The following CPQ variants were observed in gnomAD, a reference collection of about 807,000 sequenced individuals.
CPQ encodes the protein carboxypeptidase Q.
In CPQ, 37 loss-of-function variants were observed where a neutral mutation model predicts 45.7. The ratio of observed to expected loss-of-function variants is 0.81; its 90% confidence interval spans 0.62 to 1.07. The LOEUF is 1.07. CPQ is among the 50% of genes least tolerant of loss of function. The probability of loss-of-function intolerance (pLI) is 0.00; values close to 1 mark genes in which losing one functional copy is unlikely to be tolerated. For synonymous variants in CPQ, 186 were observed against 205.8 expected (o/e 0.90, Z 0.82); for missense variants, 537 against 572.9 (o/e 0.94, Z 0.64).
At chr8:96,833,824 G>A (rs1048191193) in intron 2 of CPQ, among the ~76,000 whole-genome samples, 1 of 152,124 alleles carries the variant, frequency 6.6e-6, no homozygotes, top group African/African-American at 2.4e-5. Flanking sequence ...AGCCCAAAGG[G>A]CCCATTATGA....
At chr8:96,710,769 T>G (rs1809596963) in intron 1 of CPQ, among the ~76,000 whole-genome samples, 4 of 152,224 alleles carry the variant, frequency 2.6e-5, no homozygotes, top group Admixed American at 2.6e-4. Context: ...GCATGTCATA[T>G]GGTCTATCTT....
At chr8:96,992,539 G>A (rs1809111719) in intron 5 of CPQ, among the ~76,000 whole-genome samples, 1 of 152,144 alleles carries the variant, frequency 6.6e-6, no homozygotes, top group African/African-American at 2.4e-5. Flanking sequence ...AAGAAGCTTT[G>A]CTCCAAGTTT....
intron 7 of CPQ, among the ~76,000 whole-genome samples, chr8:97,123,824 T>C (rs1811798082): frequency 1.3e-5 from 2 of 152,170 alleles, no homozygotes; most frequent in African/African-American, 4.8e-5. Flanking sequence ...TAGAAAAAGA[T>C]ATACAGCAAA....
At chr8:96,840,037 C>T (rs1811586552) in intron 3 of CPQ, among the ~76,000 whole-genome samples, 2 of 152,044 alleles carry the variant, frequency 1.3e-5, no homozygotes, top group Admixed American at 1.3e-4. Flanking sequence ...TTAGATTGTA[C>T]CAAGCAACCT....
At chr8:96,725,070 C>T (rs1191746910) in intron 1 of CPQ, among the ~76,000 whole-genome samples, 3 of 152,104 alleles carry the variant, frequency 2.0e-5, no homozygotes, top group East Asian at 1.9e-4. Context: ...TCACCACATA[C>T]AAAAATTAAC....
intron 4 of CPQ, among the ~76,000 whole-genome samples, chr8:96,926,726 G>T (rs955208620): frequency 1.1e-4 from 17 of 150,804 alleles, no homozygotes; most frequent in Non-Finnish European, 1.3e-4. Context: ...TGTGCAGAAC[G>T]TCCAGGTTTA....
At chr8:97,132,816 G>A (rs763368856) in intron 7 of CPQ, 4 of 152,248 alleles carry the variant, frequency 2.6e-5, no homozygotes, top group East Asian at 1.9e-4. Flanking sequence ...CATTTACAAG[G>A]AGTCATGCTG....
intron 7 of CPQ, among the ~76,000 whole-genome samples, chr8:97,122,971 TAAAATAAAATTAAAA>T (rs1811749613): frequency 1.8e-5 from 1 of 54,402 alleles, no homozygotes; most frequent in Non-Finnish European, 3.0e-5. Flanking sequence ...TAAAATAAAA[TAAAATAAAATTAAAA>T]TAAAATAAAA....
intron 4 of CPQ, among the ~76,000 whole-genome samples, chr8:96,881,025 G>A (rs1812217071): frequency 6.6e-6 from 1 of 152,056 alleles, no homozygotes; most frequent in Admixed American, 6.6e-5. Context: ...AATTGAGAGT[G>A]GTATTTGTCC....
At chr8:96,882,189 T>G (rs1812233410) in intron 4 of CPQ, among the ~76,000 whole-genome samples, 2 of 152,090 alleles carry the variant, frequency 1.3e-5, no homozygotes, top group Non-Finnish European at 2.9e-5. Flanking sequence ...TAAAATCATC[T>G]GCTTCAAGGA....
At chr8:96,899,131 G>A (rs1377021784) in intron 4 of CPQ, among the ~76,000 whole-genome samples, 2 of 152,098 alleles carry the variant, frequency 1.3e-5, no homozygotes, top group African/African-American at 2.4e-5. Flanking sequence ...TAAAATTAGG[G>A]TGCTGAGATG....
chr8:96,801,143 T>G (rs918566671), intron 2 of CPQ, among the ~76,000 whole-genome samples: 1 of 151,980 alleles, frequency 6.6e-6, no homozygotes, highest in African/African-American at 2.4e-5. Flanking sequence ...GCCCAGCTAT[T>G]TTTTGTATTT....
chr8:96,826,814 G>T (rs1811385704), intron 2 of CPQ, among the ~76,000 whole-genome samples: 1 of 151,902 alleles, frequency 6.6e-6, no homozygotes, highest in Admixed American at 6.6e-5. Flanking sequence ...AGTGTGTGTT[G>T]TTCCCCTCCC....
intron 6 of CPQ, among the ~76,000 whole-genome samples, chr8:97,041,049 C>T (rs545965336): frequency 2.4e-3 from 364 of 152,268 alleles, no homozygotes; most frequent in African/African-American, 8.0e-3. Flanking sequence ...ATGGGGATGG[C>T]ATTGAATCTA....
At chr8:97,111,849 G>T (rs1211689953) in intron 7 of CPQ, among the ~76,000 whole-genome samples, 2 of 152,140 alleles carry the variant, frequency 1.3e-5, no homozygotes, top group South Asian at 4.1e-4. Context: ...CTCTTATTCT[G>T]TCTCACTCTC....
intron 7 of CPQ, among the ~76,000 whole-genome samples, chr8:97,071,788 G>A (rs1810748082): frequency 6.6e-6 from 1 of 152,146 alleles, no homozygotes; most frequent in South Asian, 2.1e-4. Context: ...TTTTAAATTC[G>A]CTTAAAAAGA....
intron 3 of CPQ, among the ~76,000 whole-genome samples, chr8:96,875,631 T>C (rs1812135346): frequency 6.6e-6 from 1 of 151,980 alleles, no homozygotes; most frequent in Non-Finnish European, 1.5e-5. Context: ...TTCTGGACTC[T>C]CAATTCTACT....
At chr8:97,069,350 T>C (rs1047537991) in intron 7 of CPQ, among the ~76,000 whole-genome samples, 1 of 151,870 alleles carries the variant, frequency 6.6e-6, no homozygotes, top group Non-Finnish European at 1.5e-5. Flanking sequence ...GGTACCTCAC[T>C]GTGTGCAGTG....
intron 1 of CPQ, among the ~76,000 whole-genome samples, chr8:96,730,663 A>G (rs989379166): frequency 5.9e-5 from 9 of 151,974 alleles, no homozygotes; most frequent in African/African-American, 1.9e-4. Flanking sequence ...AACCTGGAGC[A>G]GGGGTTCTGA....
Sources: gnomAD v4.1 joint callset for allele counts (sites outside exome capture counted in the v4.1 genomes callset) on GRCh38, gnomAD v4.1.1 for gene constraint, MANE v1.5 for transcripts, NCBI Gene and HGNC (gene_info 2026-07-23, HGNC 2026-07-21) for gene names.